The following C2CD5 variants were observed in gnomAD, a reference collection of about 807,000 sequenced individuals.
The protein encoded by C2CD5 is C2 domain-containing protein 5.
In C2CD5, 109 loss-of-function variants were observed where a neutral mutation model predicts 130.3. The ratio of observed to expected loss-of-function variants is 0.84; its 90% CI spans 0.72 to 0.98. The LOEUF is 0.98. C2CD5 is among the 50% of genes least tolerant of loss of function. The pLI is 0.00. For missense variants in C2CD5, 996 were observed against 1,261.8 expected (o/e 0.79, Z 3.19); for synonymous variants, 454 against 429.2 (o/e 1.06, Z -0.71).
At chr12:22,512,210 T>C (rs1209354499) in intron 9 of C2CD5, among the ~76,000 whole-genome samples, 2 of 152,220 alleles carry the variant, frequency 1.3e-5, no homozygotes, top group Non-Finnish European at 1.5e-5. Context: ...CATACACAGA[T>C]ACTGTCAGCA....
intron 5 of C2CD5, 68 bp downstream of exon 5, chr12:22,525,542 G>A (rs1950644875): frequency 3.6e-6 from 3 of 831,966 alleles, no homozygotes; most frequent in Non-Finnish European, 6.2e-6. Flanking sequence ...CTTCTGAAAT[G>A]TTAACTTGAT....
At chr12:22,464,756 A>T (rs997978634) in intron 22 of C2CD5, among the ~76,000 whole-genome samples, 15 of 152,166 alleles carry the variant, frequency 9.9e-5, no homozygotes, top group Admixed American at 2.0e-4. Context: ...TATATTTTTT[A>T]AAAAATAGTA....
chr12:22,532,430 T>C (rs913883169), intron 3 of C2CD5, among the ~76,000 whole-genome samples: 43 of 152,132 alleles, frequency 2.8e-4, no homozygotes, highest in African/African-American at 1.0e-3. Context: ...TCAATACTAC[T>C]CTGGAAAGAA....
At chr12:22,496,116 T>C (rs2136520768) in intron 10 of C2CD5, among the ~76,000 whole-genome samples, 1 of 152,244 alleles carries the variant, frequency 6.6e-6, no homozygotes, top group Non-Finnish European at 1.5e-5. Context: ...TTAAGATTAA[T>C]TTGTTTAACA....
rs1028471819 is a variant in C2CD5 at position 22,482,798 on chromosome 12, T to G, written c.1551-55A>C. On this transcript the variant is annotated intron_variant, in intron 13 of 26. Coordinates refer to ENST00000446597, the MANE Select transcript of C2CD5 (RefSeq NM_001286176.2). ...ATTCTTGGTACCACCTTTAAAAATG[T>G]CCAAATTTTAAAACTTGCTAAAAGT... 8.2e-6 allele frequency: 11 copies of G among 1,348,384 alleles called. No homozygotes were observed. In the African/African-American group the frequency reaches 1.6e-4, roughly 20 times the overall value. The allele number at this position is 1,348,384 out of a possible 1,614,324, so 83.5% of individuals were successfully genotyped here.
At chr12:22,540,815 T>G (rs1383253608) in intron 2 of C2CD5, among the ~76,000 whole-genome samples, 2 of 152,148 alleles carry the variant, frequency 1.3e-5, no homozygotes, top group Non-Finnish European at 2.9e-5. Context: ...GCCAAGATCG[T>G]GCCACTACAC....
rs12298441 is a variant in C2CD5 at position 22,518,992 on chromosome 12, G to A, written c.801-855C>T. 1,200 of 793,644 alleles carry A rather than the reference G, an allele frequency of 1.5e-3. 5 individuals are homozygous for A. Among genetic ancestry groups the A allele is most frequent in the Middle Eastern group, 0.013 (35 of 2,772 alleles). 49.2% of individuals were successfully genotyped at this position (793,644 alleles called of 1,614,324 possible). A position where few individuals can be genotyped will look rare whatever the true frequency, so the allele number is the denominator to read the frequency against. On this transcript the variant is annotated intron_variant, in intron 7 of 26. Coordinates refer to ENST00000446597, the MANE Select transcript of C2CD5 (RefSeq NM_001286176.2). ...AAGTTCCTCACTGCAGCTGGACTTCGAGTAAGAAAAGGATGAAGCAAAGAT... is the reference window on the plus strand; with the variant it reads ...AAGTTCCTCACTGCAGCTGGACTTCAAGTAAGAAAAGGATGAAGCAAAGAT...
intron 26 of C2CD5, among the ~76,000 whole-genome samples, chr12:22,451,331 C>T (rs959618646): frequency 6.6e-6 from 1 of 152,050 alleles, no homozygotes; most frequent in Non-Finnish European, 1.5e-5. Context: ...AAAGAGAAAA[C>T]AGGCCCACTG....
At chr12:22,464,850 C>T (rs1330834425) in intron 22 of C2CD5, among the ~76,000 whole-genome samples, 2 of 152,016 alleles carry the variant, frequency 1.3e-5, no homozygotes, top group East Asian at 1.9e-4. Flanking sequence ...GAATTCAAAC[C>T]GTTAGTTGGC....
chr12:22,533,398 T>C (rs1322200888), intron 3 of C2CD5, among the ~76,000 whole-genome samples: 1 of 152,198 alleles, frequency 6.6e-6, no homozygotes, highest in Non-Finnish European at 1.5e-5. Flanking sequence ...AGTCTGTAAA[T>C]GAGAACTGTA....
chr12:22,480,168 A>C (rs995493972), intron 14 of C2CD5, among the ~76,000 whole-genome samples: 3 of 152,126 alleles, frequency 2.0e-5, no homozygotes, highest in African/African-American at 7.2e-5. Context: ...TTTTAGCTCC[A>C]CTCATTAACG....
rs536668181 is a variant in C2CD5 at position 22,538,763 on chromosome 12, T to A, written c.91-3419A>T. 7.9e-5 allele frequency among the ~76,000 whole-genome samples: 12 copies of A among 152,356 alleles called. No individual in the cohort carries two copies. The East Asian group carries it at 2.3e-3, about 29-fold the overall frequency. Reference sequence around the variant, plus strand: ...TACATACTCTGTTCTTTTGCTTTTATCAAGTTTGTCCTAGTCACCTGAAAA... The same window carrying A: ...TACATACTCTGTTCTTTTGCTTTTAACAAGTTTGTCCTAGTCACCTGAAAA... On this transcript the variant is annotated intron_variant, in intron 2 of 26. Coordinates refer to ENST00000446597, the MANE Select transcript of C2CD5 (RefSeq NM_001286176.2).
chr12:22,450,275 T>C (rs1938291493), intron 26 of C2CD5, among the ~76,000 whole-genome samples: 1 of 152,026 alleles, frequency 6.6e-6, no homozygotes, highest in South Asian at 2.1e-4. Flanking sequence ...AAGAACCGTC[T>C]CCTAAAGCAG....
At chr12:22,457,228 T>C in intron 24 of C2CD5, 67 bp from the exon 25 acceptor site, 1 of 1,137,562 alleles carries the variant, frequency 8.8e-7, no homozygotes, top group East Asian at 2.7e-5. Flanking sequence ...TCCCTGAGGT[T>C]TCCAAATAAG....
chr12:22,528,804 C>T (rs7964451), intron 3 of C2CD5, among the ~76,000 whole-genome samples: 23,846 of 152,070 alleles, frequency 0.16, 3,765 homozygotes, highest in African/African-American at 0.41. Context: ...CCCTTATACT[C>T]TGGTTGGTTT....
At chr12:22,535,454 C>CGATAGAA (rs1410225631) in intron 2 of C2CD5, 110 bp from the exon 3 acceptor site, 1 of 639,654 alleles carries the variant, frequency 1.6e-6, no homozygotes, top group African/African-American at 1.8e-5. Flanking sequence ...GGACAAAAGA[C>CGATAGAA]TATTATCCTC....
At chr12:22,502,352 TTTA>T (rs1169155945) in intron 10 of C2CD5, among the ~76,000 whole-genome samples, 2 of 152,118 alleles carry the variant, frequency 1.3e-5, no homozygotes, top group Non-Finnish European at 2.9e-5. Context: ...TTAAATATAC[TTTA>T]TTTTTAGATT....
chr12:22,455,299 A>T (rs569567895), intron 25 of C2CD5, among the ~76,000 whole-genome samples: 3 of 152,318 alleles, frequency 2.0e-5, no homozygotes, highest in Admixed American at 2.0e-4. Context: ...ACAGAGGATT[A>T]ATTTTAAAAA....
In C2CD5 at chr12:22,474,862, G is replaced by T. The variant is rs1943608057; in HGVS notation, c.1932C>A (p.Pro644=). ...TTGAGCGTTGCCTAGGTTCTGGGAT[G>T]GGTGATCCTATAATCTCTTCAGATA... The part of the protein sequence containing the change: ...PEISEEIIGS[P]IPEPRQRSRL... The change falls in exon 16 of 27, where the codon CCC becomes CCA. Residue 644 remains proline (P), a synonymous_variant. Coordinates refer to ENST00000446597, the MANE Select transcript of C2CD5 (RefSeq NM_001286176.2). The T allele has an allele frequency of 6.2e-7, 1 of 1,601,394 alleles. No homozygotes were observed. The highest frequency in any genetic ancestry group is 1.3e-5 in the African/African-American group (1 of 74,568).
Sources: allele counts gnomAD v4.1 joint callset (sites outside exome capture counted in the v4.1 genomes callset), GRCh38; gene constraint gnomAD v4.1.1; transcripts MANE v1.5; gene names NCBI Gene and HGNC (gene_info 2026-07-23, HGNC 2026-07-21).